Variants in ADGRV1 observed in about 807,000 individuals in gnomAD.
The protein encoded by ADGRV1 is adhesion G protein-coupled receptor V1.
Under a neutral mutation model 596.2 loss-of-function variants are expected in ADGRV1, and 359 were observed. The ratio of observed to expected loss-of-function variants is 0.60; its 90% CI spans 0.55 to 0.66. The LOEUF is 0.66. ADGRV1 is among the 30% of genes least tolerant of loss of function. The probability of loss-of-function intolerance (pLI) is 0.00; values close to 1 mark genes in which losing one functional copy is unlikely to be tolerated. For synonymous variants in ADGRV1, 2,681 were observed against 2,679.2 expected, an observed-to-expected ratio of 1.00 and a Z score of -0.02; for missense variants, 7,274 against 7,575.6, an observed-to-expected ratio of 0.96 and a Z score of 1.48.
At position 90,646,109 on chromosome 5, in the gene ADGRV1, T is replaced by A; in HGVS notation, c.3022+18T>A. On this transcript the variant is annotated intron_variant, in intron 16 of 89. Transcript: ENST00000405460. ...TTTTGCAGGTGGTATTGCTGTCTTA[T>A]TTGAATGAGTTTACATATTTCTTAA... 6.6e-7 allele frequency: 1 copy of A among 1,523,810 alleles called. No homozygotes were observed. The highest frequency in any genetic ancestry group is 1.3e-5 in the South Asian group (1 of 77,816). 94.4% of individuals were successfully genotyped at this position (1,523,810 alleles called of 1,614,324 possible).
chr5:90,662,352 C>T lies in ADGRV1; in HGVS notation c.4752+4074C>T, dbSNP rs62375095. Among the ~76,000 whole-genome samples the T allele has an allele frequency of 4.7e-3, 716 of 151,890 alleles. 1 individual carries two copies. Among genetic ancestry groups the T allele is most frequent in the Non-Finnish European group, 8.2e-3 (555 of 67,974 alleles). The stretch of plus-strand genomic sequence containing the variant: ...GGGACTACAGGCGCCCACCACCATG[C>T]CCGGCTAATTTTTTGTATTTTTAGC... On this transcript the variant is annotated intron_variant, in intron 21 of 89. Transcript: ENST00000405460.
At chr5:91,070,572 G>C (rs1433661795) in intron 85 of ADGRV1, among the ~76,000 whole-genome samples, 1 of 152,188 alleles carries the variant, frequency 6.6e-6, no homozygotes, top group Non-Finnish European at 1.5e-5. Context: ...AGCAGTTTTA[G>C]ATATTGAGAA....
At position 90,811,300 on chromosome 5, in the gene ADGRV1, A is replaced by T; in HGVS notation, c.16040A>T (p.Asp5347Val). 6.2e-7 allele frequency: 1 copy of T among 1,610,188 alleles called. No individual in the cohort carries two copies. Among genetic ancestry groups the T allele is most frequent in the Non-Finnish European group, 8.5e-7 (1 of 1,178,222 alleles). ...GCACAGATTGTGGAGGAGAAGGATG[A>T]TACTGGATTTGCAGCTTTTGCCATG... ...GGAQIVEEKD[D>V]TGFAAFAMVI... The change falls in exon 74 of 90, where the codon GAT (aspartate) becomes GTT (valine). Residue 5347 changes from aspartate (D) to valine (V), a missense_variant. Asp to Val is a radical substitution (Grantham distance 152). Around this residue, in one of 5 missense-constraint regions of ADGRV1, gnomAD observed 1,874 missense variants for 1,970.2 expected, o/e 0.95. Coordinates refer to ENST00000405460, the MANE Select transcript of ADGRV1 (RefSeq NM_032119.4).
chr5:90,721,533 A>AATAG (rs1561595030), intron 45 of ADGRV1, among the ~76,000 whole-genome samples: 2 of 13,262 alleles, frequency 1.5e-4, no homozygotes, highest in Non-Finnish European at 1.1e-4. Flanking sequence ...ATAAAAATAA[A>AATAG]AATAAAATAA....
intron 48 of ADGRV1, among the ~76,000 whole-genome samples, chr5:90,726,428 T>G (rs1245491804): frequency 1.3e-5 from 2 of 152,164 alleles, no homozygotes; most frequent in Non-Finnish European, 2.9e-5. Context: ...TCATTTCCTT[T>G]CTCCCTTCTA....
intron 85 of ADGRV1, among the ~76,000 whole-genome samples, chr5:91,054,369 A>G (rs1786644649): frequency 6.6e-6 from 1 of 152,190 alleles, no homozygotes; most frequent in African/African-American, 2.4e-5. Flanking sequence ...AGAAGCATAA[A>G]AAAGATCTAG....
chr5:91,121,748 C>G (rs1157986230), intron 87 of ADGRV1, among the ~76,000 whole-genome samples: 2 of 151,564 alleles, frequency 1.3e-5, no homozygotes, highest in African/African-American at 4.8e-5. Context: ...ATATGAGATA[C>G]AGGCTCAAGT....
intron 4 of ADGRV1, among the ~76,000 whole-genome samples, chr5:90,621,379 C>A (rs1490847636): frequency 6.6e-6 from 1 of 152,108 alleles, no homozygotes; most frequent in Non-Finnish European, 1.5e-5. Flanking sequence ...GGTATTTGGC[C>A]AACCTCAGTT....
chr5:90,906,563 G>A (rs1772343196), intron 83 of ADGRV1, among the ~76,000 whole-genome samples: 2 of 152,186 alleles, frequency 1.3e-5, no homozygotes, highest in Middle Eastern at 3.4e-3. Context: ...AGTGGTATCA[G>A]TTATCAGTTG....
chr5:90,651,586 T>C lies in ADGRV1; in HGVS notation c.3290-18T>C. 6.9e-7 allele frequency: 1 copy of C among 1,445,216 alleles called. No individual in the cohort carries two copies. The highest frequency in any genetic ancestry group is 1.4e-5 in the South Asian group (1 of 69,126). The allele number at this position is 1,445,216 out of a possible 1,614,324, so 89.5% of individuals were successfully genotyped here. A position where few individuals can be genotyped will look rare whatever the true frequency, so the allele number is the denominator to read the frequency against. ...TAGCTACTTCTTTGTTATTTTGTCTTTTCCACTTTTAATTTAGGTGATACA... is the reference window on the plus strand; with the variant it reads ...TAGCTACTTCTTTGTTATTTTGTCTCTTCCACTTTTAATTTAGGTGATACA... On this transcript the variant is annotated intron_variant, in intron 17 of 89. Transcript: ENST00000405460.
Position 90,685,798 on chromosome 5 carries a change from T to G in ADGRV1, c.6293T>G (p.Leu2098Arg). ...QSRSIPNSPR[L>R]GPKVETIAQL... ...CTTTCAGTTCCAAATTCTCCACGTCTTGGGCCTAAGGTAGAAACTATTGCG... is the reference window on the plus strand; with the variant it reads ...CTTTCAGTTCCAAATTCTCCACGTCGTGGGCCTAAGGTAGAAACTATTGCG... Residue 2098 changes from leucine to arginine, a missense_variant, in exon 29 of 90, where the codon CTT becomes CGT. Physicochemically the swap from Leu to Arg is moderately radical, Grantham distance 102. Coordinates refer to ENST00000405460, the MANE Select transcript of ADGRV1 (RefSeq NM_032119.4). 1 of 1,609,058 alleles carries G rather than the reference T, an allele frequency of 6.2e-7. No individual in the cohort carries two copies. Among genetic ancestry groups the G allele is most frequent in the Non-Finnish European group, 8.5e-7 (1 of 1,178,200 alleles).
At chr5:91,084,694 A>C (rs1044856931) in intron 86 of ADGRV1, among the ~76,000 whole-genome samples, 8 of 152,226 alleles carry the variant, frequency 5.3e-5, no homozygotes, top group Non-Finnish European at 1.0e-4. Context: ...ATCTAAAACT[A>C]GAAATACCAT....
Position 90,802,800 on chromosome 5 carries a change from G to T in ADGRV1, c.14579G>T (p.Gly4860Val). The T allele has an allele frequency of 1.2e-6, 2 of 1,612,834 alleles. No individual in the cohort carries two copies. The highest frequency in any genetic ancestry group is 4.5e-5 in the East Asian group (2 of 44,860). ...LQLVTVMLVG[G>V]RFYGMPTILQ... ...CTGGTGACTGTGATGCTTGTCGGTG[G>T]ACGTTTCTATGGAATGCCAACAATT... Residue 4860 changes from glycine (G) to valine (V), a missense_variant, in exon 71 of 90, where the codon GGA becomes GTA. By Grantham distance (109) the Gly-to-Val change is moderately radical. This residue lies in a region of ADGRV1 where 1,874 missense variants were observed against 1,970.2 expected (regional missense o/e 0.95). Transcript: ENST00000405460.
intron 86 of ADGRV1, among the ~76,000 whole-genome samples, chr5:91,073,423 T>C (rs575871829): frequency 6.6e-6 from 1 of 152,300 alleles, no homozygotes; most frequent in South Asian, 2.1e-4. Context: ...CCTCACGTTT[T>C]AAGTGCTTGT....
Position 90,619,156 on chromosome 5 carries a change from C to T in ADGRV1, c.428C>T (p.Ala143Val). The T allele has an allele frequency of 1.4e-6, 2 of 1,471,126 alleles. No homozygotes were observed. The highest frequency in any genetic ancestry group is 1.8e-6 in the Non-Finnish European group (2 of 1,096,524). 91.1% of individuals were successfully genotyped at this position (1,471,126 alleles called of 1,614,324 possible). A position where few individuals can be genotyped will look rare whatever the true frequency, so the allele number is the denominator to read the frequency against. The change falls in exon 4 of 90, where the codon GCA (alanine) becomes GTA (valine). Residue 143 changes from alanine to valine, a missense_variant. Physicochemically the swap from Ala to Val is moderately conservative, Grantham distance 64. Around this residue, in one of 5 missense-constraint regions of ADGRV1, gnomAD observed 1,715 missense variants for 1,708.8 expected, o/e 1.00. Transcript: ENST00000405460. ...VTVTILSNDN[A>V]FGIISFNMLP... ...GTGACAATATTATCAAATGACAATGCATTTGGAATTATTTCATTTAATATG... is the reference window on the plus strand; with the variant it reads ...GTGACAATATTATCAAATGACAATGTATTTGGAATTATTTCATTTAATATG...
intron 1 of ADGRV1, among the ~76,000 whole-genome samples, chr5:90,571,212 C>T (rs1756483254): frequency 6.6e-6 from 1 of 151,924 alleles, no homozygotes; most frequent in Middle Eastern, 3.2e-3. Context: ...TTCTTAAATC[C>T]TGGGAAACAG....
chr5:90,664,315 A>C (rs1008743845), intron 21 of ADGRV1, among the ~76,000 whole-genome samples: 2 of 148,972 alleles, frequency 1.3e-5, no homozygotes, highest in Non-Finnish European at 3.0e-5. Context: ...GTTCTCCTTG[A>C]AGAGGTCCTT....
At position 90,728,726 on chromosome 5, in the gene ADGRV1, G is replaced by T; in HGVS notation, c.10219G>T (p.Val3407Leu). 1 of 1,613,926 alleles carries T rather than the reference G, an allele frequency of 6.2e-7. No individual in the cohort carries two copies. Among genetic ancestry groups the T allele is most frequent in the Non-Finnish European group, 8.5e-7 (1 of 1,179,820 alleles). Residue 3407 changes from valine (V) to leucine (L), a missense_variant, in exon 49 of 90, where the codon GTG becomes TTG. By Grantham distance (32) the Val-to-Leu change is conservative (BLOSUM62 1). Coordinates refer to ENST00000405460, the MANE Select transcript of ADGRV1 (RefSeq NM_032119.4). Reference sequence around the variant, plus strand: ...GCATCAAAAACTCCCTGTCCGAGGTGTGCTGACCGTGGCCTTGTTCAACAA... The same window carrying T: ...GCATCAAAAACTCCCTGTCCGAGGTTTGCTGACCGTGGCCTTGTTCAACAA... ...VLHQKLPVRG[V>L]LTVALFNKGG... is the part of the protein sequence containing the mutation.
intron 48 of ADGRV1, among the ~76,000 whole-genome samples, chr5:90,726,767 G>T (rs7730204): frequency 0.21 from 31,843 of 151,544 alleles, 3,481 homozygotes; most frequent in East Asian, 0.3. Flanking sequence ...TTCACTTATA[G>T]TTCAAATTTC....
Sources: allele counts gnomAD v4.1 joint callset (sites outside exome capture counted in the v4.1 genomes callset), GRCh38; gene constraint gnomAD v4.1.1; regional missense constraint gnomAD v4.1.1; transcripts MANE v1.5; gene names NCBI Gene and HGNC (gene_info 2026-07-23, HGNC 2026-07-21).